CDK17: variants seen among roughly 807,000 people sequenced by gnomAD.
The protein encoded by CDK17 is cyclin dependent kinase 17, also known as cyclin-dependent kinase 17.
Under a neutral mutation model 77.6 loss-of-function variants are expected in CDK17, and 24 were observed. The ratio of observed to expected loss-of-function variants is 0.31; its 90% CI spans 0.22 to 0.44. The LOEUF is 0.44. Ranked by LOEUF, CDK17 falls within the 20% of genes least tolerant of loss-of-function variation. CDK17 has a pLI of 1.00. For missense variants in CDK17, 429 were observed against 622.5 expected, an observed-to-expected ratio of 0.69 and a Z score of 3.31; for synonymous variants, 203 against 210.4, an observed-to-expected ratio of 0.96 and a Z score of 0.30.
intron 1 of CDK17, among the ~76,000 whole-genome samples, chr12:96,362,970 A>G (rs1953519219): frequency 6.6e-6 from 1 of 152,206 alleles, no homozygotes; most frequent in East Asian, 1.9e-4. Flanking sequence ...AGGTACAGTG[A>G]TGAAAGAAGA....
rs1401317875 is a variant in CDK17 at position 96,334,997 on chromosome 12, C to A, written c.-29-132G>T. On this transcript the variant is annotated intron_variant, in intron 1 of 16. Coordinates refer to ENST00000261211, the MANE Select transcript of CDK17 (RefSeq NM_002595.5). Reference sequence around the variant, plus strand: ...AATTCTCACTTCTGCCAAACATCACCAAATCCAACCCCTTTTTTAAAAAGA... The same window carrying A: ...AATTCTCACTTCTGCCAAACATCACAAAATCCAACCCCTTTTTTAAAAAGA... 4 of 684,524 alleles carry A rather than the reference C, an allele frequency of 5.8e-6. No homozygotes were observed. The African/African-American group carries it at 7.1e-5, about 12-fold the overall frequency. 42.4% of individuals were successfully genotyped at this position (684,524 alleles called of 1,614,324 possible). A position where few individuals can be genotyped will look rare whatever the true frequency, so the allele number is the denominator to read the frequency against.
In CDK17 at chr12:96,314,917, T is replaced by C. The variant is rs558355375; in HGVS notation, c.284-1463A>G. Among the ~76,000 whole-genome samples, 22 of 152,346 alleles carry C rather than the reference T, an allele frequency of 1.4e-4. No homozygotes were observed. In the South Asian group the frequency reaches 4.6e-3, roughly 32 times the overall value. ...AAGTCTTTTCTAATCTCAGACACAG[T>C]TGACTACTGTGCCCCCACCCACTGC... On this transcript the variant is annotated intron_variant, in intron 3 of 16. Transcript: ENST00000261211.
intron 2 of CDK17, among the ~76,000 whole-genome samples, chr12:96,327,604 G>A (rs1165530504): frequency 2.0e-5 from 3 of 151,990 alleles, no homozygotes; most frequent in Non-Finnish European, 4.4e-5. Context: ...CTGAAGTGCA[G>A]TGGTGCAGTC....
chr12:96,335,783 A>G (rs1247021768), intron 1 of CDK17, among the ~76,000 whole-genome samples: 1 of 152,194 alleles, frequency 6.6e-6, no homozygotes, highest in Non-Finnish European at 1.5e-5. Flanking sequence ...CTTGGATATG[A>G]TGAAACAAGG....
Position 96,331,409 on chromosome 12 carries a change from A to G in CDK17, c.118+3310T>C, listed in dbSNP as rs143626020. 7.2e-5 allele frequency among the ~76,000 whole-genome samples: 11 copies of G among 152,286 alleles called. No homozygotes were observed. The East Asian group carries it at 2.1e-3, about 29-fold the overall frequency. ...AAAATTTTATTTCATATTTAGGGAAAGGTGTATTGAGTTAAGGCCAGAATC... is the reference window on the plus strand; with the variant it reads ...AAAATTTTATTTCATATTTAGGGAAGGGTGTATTGAGTTAAGGCCAGAATC... On this transcript the variant is annotated intron_variant, in intron 2 of 16. Transcript: ENST00000261211.
intron 10 of CDK17, among the ~76,000 whole-genome samples, chr12:96,291,643 T>C (rs1180521319): frequency 6.7e-6 from 1 of 148,942 alleles, no homozygotes; most frequent in Non-Finnish European, 1.5e-5. Flanking sequence ...TTTTTTTTTT[T>C]TTTTTGAGAT....
chr12:96,295,239 G>T (rs188322243), intron 9 of CDK17, 117 bp from the exon 10 acceptor site: 2 of 690,986 alleles, frequency 2.9e-6, no homozygotes, highest in Admixed American at 5.7e-5. Flanking sequence ...GAAAAAGAAA[G>T]TAATTGCATA....
At chr12:96,328,513 T>G (rs890428481) in intron 2 of CDK17, among the ~76,000 whole-genome samples, 1 of 151,982 alleles carries the variant, frequency 6.6e-6, no homozygotes, top group Non-Finnish European at 1.5e-5. Context: ...ATTTATGTGG[T>G]AAAAAATAGG....
At chr12:96,297,743 T>C in intron 7 of CDK17, 22 bp from the exon 8 acceptor site, 1 of 1,288,442 alleles carries the variant, frequency 7.8e-7, no homozygotes, top group Non-Finnish European at 1.1e-6. Context: ...AAAAAGAAAA[T>C]TGTTTAGTCT....
intron 1 of CDK17, among the ~76,000 whole-genome samples, chr12:96,368,810 G>GT (rs1555206105): frequency 9.6e-5 from 1 of 10,382 alleles, no homozygotes; most frequent in African/African-American, 2.5e-4. Context: ...CTAAGACGGG[G>GT]GGGGGGGGGG....
At chr12:96,307,847 C>T (rs779550406) in intron 5 of CDK17, among the ~76,000 whole-genome samples, 29 of 152,062 alleles carry the variant, frequency 1.9e-4, no homozygotes, top group Non-Finnish European at 2.4e-4. Flanking sequence ...CCTGCCTGGA[C>T]GACAAAGTGA....
chr12:96,317,877 G>T (rs1251488771), intron 3 of CDK17, among the ~76,000 whole-genome samples: 1 of 148,824 alleles, frequency 6.7e-6, no homozygotes, highest in African/African-American at 2.5e-5. Context: ...AGACTAGGAA[G>T]AAACTGCATC....
intron 1 of CDK17, among the ~76,000 whole-genome samples, chr12:96,369,896 T>C (rs1176872925): frequency 2.0e-5 from 3 of 152,194 alleles, no homozygotes; most frequent in Admixed American, 6.5e-5. Flanking sequence ...CTGACCAATA[T>C]GGTGAAACTC....
intron 1 of CDK17, among the ~76,000 whole-genome samples, chr12:96,373,781 G>A (rs541187330): frequency 3.3e-4 from 50 of 151,994 alleles, no homozygotes; most frequent in Non-Finnish European, 6.2e-4. Flanking sequence ...TTAGCTGGGC[G>A]TGGTGGTGTG....
At chr12:96,396,186 G>A (rs1385780907) in intron 1 of CDK17, among the ~76,000 whole-genome samples, 1 of 152,198 alleles carries the variant, frequency 6.6e-6, no homozygotes, top group Non-Finnish European at 1.5e-5. Flanking sequence ...GGCCAACAGG[G>A]AGAGGCAGAC....
At chr12:96,319,449 T>C (rs1315574488) in intron 3 of CDK17, among the ~76,000 whole-genome samples, 5 of 122,634 alleles carry the variant, frequency 4.1e-5, no homozygotes, top group Admixed American at 3.4e-4. Context: ...ACTCATTTTA[T>C]GAGGCCAGCA....
At chr12:96,302,236 T>G (rs1331074590) in intron 5 of CDK17, among the ~76,000 whole-genome samples, 2 of 152,098 alleles carry the variant, frequency 1.3e-5, no homozygotes, top group Non-Finnish European at 1.5e-5. Flanking sequence ...AAGTGAAGTT[T>G]TTAAAATCAG....
intron 1 of CDK17, 26 bp from the exon 2 acceptor site, chr12:96,334,891 C>G (rs1196683907): frequency 1.1e-6 from 1 of 921,158 alleles, no homozygotes; most frequent in African/African-American, 1.6e-5. Flanking sequence ...AAACACAAAA[C>G]TAAAGCTATA....
At chr12:96,288,653 G>C (rs150112147) in intron 11 of CDK17, among the ~76,000 whole-genome samples, 1 of 152,284 alleles carries the variant, frequency 6.6e-6, no homozygotes, top group East Asian at 1.9e-4. Context: ...GGTAATGAAG[G>C]GGGTGGCAAT....
Sources: gnomAD v4.1 joint callset for allele counts (sites outside exome capture counted in the v4.1 genomes callset) on GRCh38, gnomAD v4.1.1 for gene constraint, MANE v1.5 for transcripts, NCBI Gene and HGNC (gene_info 2026-07-23, HGNC 2026-07-21) for gene names.